The following LRTM1 variants were observed in gnomAD, a reference collection of about 807,000 sequenced individuals.
LRTM1 encodes the protein leucine rich repeat transmembrane protein 1, also known as leucine-rich repeat and transmembrane domain-containing protein 1.
A neutral mutation model predicts 32.4 loss-of-function variants in LRTM1; 38 were observed. The ratio of observed to expected loss-of-function variants is 1.17; its 90% CI spans 0.91 to 1.54. The LOEUF (loss-of-function observed/expected upper bound fraction) is 1.54. LRTM1 is among the 40% of genes most tolerant of loss of function. The probability of loss-of-function intolerance (pLI) is 0.00; values close to 1 mark genes in which losing one functional copy is unlikely to be tolerated. For synonymous variants in LRTM1, 186 were observed against 169.9 expected, an observed-to-expected ratio of 1.09 and a Z score of -0.74; for missense variants, 466 against 415.4, an observed-to-expected ratio of 1.12 and a Z score of -1.06.
intron 1 of LRTM1, among the ~76,000 whole-genome samples, chr3:54,961,886 C>T (rs1702036679): frequency 6.6e-6 from 1 of 152,052 alleles, no homozygotes; most frequent in Non-Finnish European, 1.5e-5. Context: ...TTCTCAGAGG[C>T]TGAGAAGTCC....
chr3:54,964,133 G>T lies in LRTM1; in HGVS notation c.-222+2795C>A, dbSNP rs188438829. 2.6e-5 allele frequency among the ~76,000 whole-genome samples: 4 copies of T among 151,980 alleles called. No individual in the cohort carries two copies. The East Asian group carries it at 7.7e-4, about 29-fold the overall frequency. ...AAGACCATCCCAGTATCTTGGGGTC[G>T]CTGTCCTAGGAGGCTCACCCCATAT... On this transcript the variant is annotated intron_variant, in intron 1 of 2. Coordinates refer to the LRTM1 transcript ENST00000493075.
chr3:54,928,764 A>T (rs935953257), upstream of LRTM1, among the ~76,000 whole-genome samples: 3 of 151,510 alleles, frequency 2.0e-5, no homozygotes, highest in African/African-American at 7.3e-5. Context: ...CTTAAGAAAT[A>T]CTTCTTAATC....
chr3:54,953,806 C>T (rs1701816562), intron 1 of LRTM1, among the ~76,000 whole-genome samples: 2 of 152,110 alleles, frequency 1.3e-5, no homozygotes, highest in Admixed American at 1.3e-4. Context: ...CACTGCAAGT[C>T]AGTGCGCACA....
upstream of LRTM1, among the ~76,000 whole-genome samples, chr3:54,929,302 A>G (rs1401202498): frequency 6.6e-6 from 1 of 152,158 alleles, no homozygotes; most frequent in Non-Finnish European, 1.5e-5. Context: ...AGTGTTCACA[A>G]TTTTGCATGA....
At chr3:54,936,333 TC>T (rs1172127444) in intron 1 of LRTM1, among the ~76,000 whole-genome samples, 2 of 152,132 alleles carry the variant, frequency 1.3e-5, no homozygotes, top group Non-Finnish European at 2.9e-5. Flanking sequence ...TGGACAGAGC[TC>T]CCCATCTTTT....
At chr3:54,943,380 A>C (rs1701526701) in intron 1 of LRTM1, among the ~76,000 whole-genome samples, 1 of 152,100 alleles carries the variant, frequency 6.6e-6, no homozygotes. Context: ...AATTTTAGAC[A>C]TGTGTATTTA....
intron 1 of LRTM1, among the ~76,000 whole-genome samples, 165 bp downstream of exon 1, chr3:54,927,740 C>G (rs1274246660): frequency 6.6e-6 from 1 of 152,172 alleles, no homozygotes; most frequent in Non-Finnish European, 1.5e-5. Context: ...CCTCTGCACC[C>G]AACATGCGCA....
chr3:54,952,068 A>G (rs1405662724), intron 1 of LRTM1, among the ~76,000 whole-genome samples: 1 of 152,120 alleles, frequency 6.6e-6, no homozygotes, highest in Non-Finnish European at 1.5e-5. Flanking sequence ...AGCTGCTCAC[A>G]AACTCGTGGC....
Position 54,918,319 on chromosome 3 carries a change from ATCTTTTTTTTT to A in LRTM1, c.*129_*139del, listed in dbSNP as rs1700713952. The A allele has an allele frequency of 3.0e-5, 19 of 642,854 alleles. No individual in the cohort carries two copies. Among genetic ancestry groups the A allele is most frequent in the African/African-American group, 2.4e-4 (8 of 33,556 alleles). 39.8% of individuals were successfully genotyped at this position (642,854 alleles called of 1,614,324 possible). A position where few individuals can be genotyped will look rare whatever the true frequency, so the allele number is the denominator to read the frequency against. On this transcript the variant is annotated 3_prime_UTR_variant, in exon 3 of 3. Transcript: ENST00000273286. ...CCCCAGAAATATTTTTTACAGACAC[ATCTTTTTTTTT>A]TCTTTTTTTTTTTTTTTTTTTTTTT...
intron 1 of LRTM1, among the ~76,000 whole-genome samples, chr3:54,927,317 A>G (rs540982195): frequency 1.3e-5 from 2 of 152,320 alleles, no homozygotes; most frequent in East Asian, 3.9e-4. Flanking sequence ...AGGGATGCAG[A>G]ACATCACAGT....
At chr3:54,956,080 C>G (rs1701885058) in intron 1 of LRTM1, among the ~76,000 whole-genome samples, 1 of 152,192 alleles carries the variant, frequency 6.6e-6, no homozygotes, top group African/African-American at 2.4e-5. Context: ...TTCTCCCTCC[C>G]CTCCCTCCTC....
chr3:54,945,292 T>C (rs1049431600), intron 1 of LRTM1, among the ~76,000 whole-genome samples: 3 of 152,214 alleles, frequency 2.0e-5, no homozygotes, highest in African/African-American at 7.2e-5. Context: ...CTCCAGTCTG[T>C]CTGTGGCAGT....
chr3:54,965,171 G>C (rs762419458), intron 1 of LRTM1, among the ~76,000 whole-genome samples: 1 of 152,152 alleles, frequency 6.6e-6, no homozygotes, highest in Admixed American at 6.5e-5. Flanking sequence ...ACCAATTAGT[G>C]TGGCTGTGCT....
chr3:54,965,194 T>C (rs531032812), intron 1 of LRTM1, among the ~76,000 whole-genome samples: 3 of 152,010 alleles, frequency 2.0e-5, no homozygotes, highest in East Asian at 3.9e-4. Context: ...AAGAAAACTT[T>C]ATTTACAAAA....
chr3:54,929,236 G>A (rs936321696), upstream of LRTM1, among the ~76,000 whole-genome samples: 3 of 152,144 alleles, frequency 2.0e-5, no homozygotes, highest in African/African-American at 7.2e-5. Flanking sequence ...TACTTTACCA[G>A]GCTGTGCCCA....
At chr3:54,953,899 C>T (rs1701818922) in intron 1 of LRTM1, among the ~76,000 whole-genome samples, 1 of 152,166 alleles carries the variant, frequency 6.6e-6, no homozygotes, top group Non-Finnish European at 1.5e-5. Flanking sequence ...CTCTTGAGGT[C>T]ACCCCGTTTT....
chr3:54,945,062 C>A (rs982881483), intron 1 of LRTM1, among the ~76,000 whole-genome samples: 1 of 152,042 alleles, frequency 6.6e-6, no homozygotes, highest in Non-Finnish European at 1.5e-5. Context: ...AATTCTAGGC[C>A]TTGTTTGGGG....
intron 2 of LRTM1, among the ~76,000 whole-genome samples, chr3:54,922,143 T>C (rs1440484085): frequency 1.3e-5 from 2 of 152,096 alleles, no homozygotes; most frequent in Admixed American, 1.3e-4. Context: ...CGTCACAGAA[T>C]CTGAGGACTG....
At chr3:54,954,836 C>T (rs533778397) in intron 1 of LRTM1, among the ~76,000 whole-genome samples, 67 of 152,322 alleles carry the variant, frequency 4.4e-4, no homozygotes, top group African/African-American at 1.5e-3. Context: ...TGCCAGGAAT[C>T]TTCAGAAAGA....
Sources: allele counts gnomAD v4.1 joint callset (sites outside exome capture counted in the v4.1 genomes callset), GRCh38; gene constraint gnomAD v4.1.1; transcripts MANE v1.5; gene names NCBI Gene and HGNC (gene_info 2026-07-23, HGNC 2026-07-21).